MSI2: variants seen among roughly 807,000 people sequenced by gnomAD.
The protein encoded by MSI2 is musashi RNA binding protein 2.
MSI2 carries 17 observed loss-of-function variants against 45.6 expected under a neutral mutation model. That is an observed-to-expected ratio of 0.37 (90% CI 0.26 to 0.56). MSI2 has a LOEUF of 0.56. MSI2 is among the 20% of genes least tolerant of loss of function. The probability of loss-of-function intolerance (pLI) is 0.77; values close to 1 mark genes in which losing one functional copy is unlikely to be tolerated. For missense variants in MSI2, 293 were observed against 444.2 expected (o/e 0.66, Z 3.06); for synonymous variants, 156 against 158.2 (o/e 0.99, Z 0.11).
At chr17:57,350,643 A>G (rs974478803) in intron 5 of MSI2, among the ~76,000 whole-genome samples, 1 of 152,100 alleles carries the variant, frequency 6.6e-6, no homozygotes, top group African/African-American at 2.4e-5. Context: ...GCCTTTGCGC[A>G]GGGGATCCCT....
intron 6 of MSI2, among the ~76,000 whole-genome samples, chr17:57,438,145 G>A (rs757206418): frequency 9.2e-5 from 14 of 152,196 alleles, no homozygotes; most frequent in Admixed American, 2.0e-4. Flanking sequence ...GAGGTGGGGT[G>A]GGGCAGGTGG....
At chr17:57,364,724 A>G (rs2143922696) in intron 5 of MSI2, among the ~76,000 whole-genome samples, 1 of 152,088 alleles carries the variant, frequency 6.6e-6, no homozygotes, top group African/African-American at 2.4e-5. Flanking sequence ...TGGGTCCTGA[A>G]TGTTTAGTGG....
intron 5 of MSI2, among the ~76,000 whole-genome samples, chr17:57,310,434 A>G (rs1912301150): frequency 6.6e-6 from 1 of 151,980 alleles, no homozygotes; most frequent in Non-Finnish European, 1.5e-5. Context: ...CTCAGGTTCA[A>G]GTGATTCTCC....
chr17:57,516,356 G>T (rs74814248), intron 6 of MSI2, among the ~76,000 whole-genome samples: 2,319 of 152,196 alleles, frequency 0.015, 71 homozygotes, highest in East Asian at 0.075. Context: ...GGTCAGTTGT[G>T]CACCAGTTGT....
At chr17:57,517,678 G>T (rs2086498586) in intron 6 of MSI2, among the ~76,000 whole-genome samples, 1 of 152,166 alleles carries the variant, frequency 6.6e-6, no homozygotes, top group Non-Finnish European at 1.5e-5. Context: ...CCAAGATCTG[G>T]CTGAGTTCAT....
chr17:57,447,304 A>G (rs979379206), intron 6 of MSI2, among the ~76,000 whole-genome samples: 5 of 152,070 alleles, frequency 3.3e-5, no homozygotes, highest in South Asian at 2.1e-4. Flanking sequence ...ATACCTCCCT[A>G]TGTTGCCTGG....
intron 5 of MSI2, 40 bp from the exon 6 acceptor site, chr17:57,401,339 A>G: frequency 3.2e-6 from 5 of 1,540,088 alleles, no homozygotes; most frequent in Non-Finnish European, 3.6e-6. Context: ...GCTTTAGATA[A>G]CCTGGTTAAC....
chr17:57,605,231 C>T (rs1296354892), intron 8 of MSI2, among the ~76,000 whole-genome samples: 1 of 152,218 alleles, frequency 6.6e-6, no homozygotes, highest in African/African-American at 2.4e-5. Flanking sequence ...CAAGCGCGTG[C>T]ACATGCTGTT....
intron 6 of MSI2, among the ~76,000 whole-genome samples, chr17:57,494,057 A>G (rs1427370548): frequency 6.6e-6 from 1 of 152,170 alleles, no homozygotes. Context: ...CAGAAGCTCC[A>G]CTGGCACTTT....
At chr17:57,350,225 GGTGT>G (rs58596259) in intron 5 of MSI2, among the ~76,000 whole-genome samples, 26 of 146,610 alleles carry the variant, frequency 1.8e-4, no homozygotes, top group African/African-American at 5.4e-4. Flanking sequence ...CAGAGGTAGG[GGTGT>G]GTGTGTGTGT....
At chr17:57,582,816 G>GT (rs1188858822) in intron 7 of MSI2, among the ~76,000 whole-genome samples, 2 of 151,620 alleles carry the variant, frequency 1.3e-5, no homozygotes, top group South Asian at 2.1e-4. Context: ...AAATGTTCAT[G>GT]TTTTTTTTCA....
intron 10 of MSI2, among the ~76,000 whole-genome samples, chr17:57,649,753 G>A (rs1232270242): frequency 6.6e-6 from 1 of 152,200 alleles, no homozygotes; most frequent in Admixed American, 6.5e-5. Flanking sequence ...GAACAGGAGG[G>A]GGATGGCGAG....
Position 57,519,962 on chromosome 17 carries a change from C to G in MSI2, c.406-9714C>G, listed in dbSNP as rs573858959. ...TCCCAAGCTACTCAGGAGGCTGAGT[C>G]GGGAGGATCGCTGGAGCCCAGGAGT... is the stretch of plus-strand genomic sequence containing the variant. On this transcript the variant is annotated intron_variant, in intron 6 of 13. Transcript: ENST00000284073. Among the ~76,000 whole-genome samples, 35 of 152,192 alleles carry G rather than the reference C, an allele frequency of 2.3e-4. 1 individual carries two copies. In the South Asian group the frequency reaches 6.0e-3, roughly 26 times the overall value.
intron 12 of MSI2, 50 bp downstream of exon 12, chr17:57,675,176 T>A: frequency 1.9e-6 from 3 of 1,563,284 alleles, no homozygotes; most frequent in Non-Finnish European, 2.6e-6. Context: ...CCTGACCAGC[T>A]CCTTGTGGCC....
intron 6 of MSI2, among the ~76,000 whole-genome samples, chr17:57,493,624 A>G (rs926519989): frequency 5.3e-5 from 8 of 150,278 alleles, no homozygotes; most frequent in Non-Finnish European, 1.0e-4. Flanking sequence ...AAGGCATTCT[A>G]GATTGCAGGG....
At chr17:57,274,882 A>T (rs1008888494) in intron 5 of MSI2, among the ~76,000 whole-genome samples, 1 of 152,164 alleles carries the variant, frequency 6.6e-6, no homozygotes, top group Admixed American at 6.5e-5. Context: ...TCAATTCTGT[A>T]CTTAAAAAAA....
chr17:57,700,701 G>A, the MSI2 span, among the ~76,000 whole-genome samples: 22 of 152,184 alleles, frequency 1.4e-4, 1 homozygote, highest in South Asian at 1.0e-3. Flanking sequence ...TCAGGAGTTC[G>A]AGACCAGCCT....
rs530032832 is a variant in MSI2 at position 57,407,248 on chromosome 17, G to A, written c.405+5777G>A. On this transcript the variant is annotated intron_variant, in intron 6 of 13. Transcript: ENST00000284073. The surrounding 1 kb of genome is among the most constrained non-coding windows in gnomAD (Gnocchi z 4.1). ...GTGGGTGAGTGAGGCCCGAGGAAGC[G>A]CTGGGTGCCTGCGATCTCCCAGCTC... 2.5e-3 allele frequency among the ~76,000 whole-genome samples: 375 copies of A among 152,250 alleles called. 3 individuals are homozygous for A. The highest frequency in any genetic ancestry group is 8.6e-3 in the African/African-American group (356 of 41,538).
Position 57,466,075 on chromosome 17 carries a change from G to A in MSI2, c.406-63601G>A, listed in dbSNP as rs535419577. On this transcript the variant is annotated intron_variant, in intron 6 of 13. Transcript: ENST00000284073. The stretch of plus-strand genomic sequence containing the variant: ...GTGTGGGCAGCCCTCTCCCCAGCTC[G>A]GTGCACACCAGGCTCTGTGAAGGGT... Among the ~76,000 whole-genome samples the A allele has an allele frequency of 9.1e-4, 138 of 152,216 alleles. 2 individuals are homozygous for A. The highest frequency in any genetic ancestry group is 2.5e-3 in the African/African-American group (104 of 41,528).
Sources: gnomAD v4.1 joint callset for allele counts (sites outside exome capture counted in the v4.1 genomes callset) on GRCh38, gnomAD v4.1.1 for gene constraint, Gnocchi (gnomAD v3.1) non-coding constraint, MANE v1.5 for transcripts, NCBI Gene and HGNC (gene_info 2026-07-23, HGNC 2026-07-21) for gene names.